Variants in DLX4 observed in about 807,000 individuals in gnomAD.
The protein encoded by DLX4 is homeobox protein DLX-4.
DLX4 carries 13 observed loss-of-function variants against 17.1 expected under a neutral mutation model. That is an observed-to-expected ratio of 0.76 (90% CI 0.49 to 1.21). The LOEUF (loss-of-function observed/expected upper bound fraction) is 1.21, where lower values mean the gene tolerates loss of function less well. Ranked by LOEUF, DLX4 falls within the 50% of genes most tolerant of loss-of-function variation. DLX4 has a pLI of 0.00. For synonymous variants in DLX4, 129 were observed against 140.3 expected (o/e 0.92, Z 0.57); for missense variants, 297 against 301.4 (o/e 0.99, Z 0.11).
rs749435979 is a variant in DLX4, at chr17:49,973,940, G to A, written c.720G>A (p.Met240Ile). 1 of 1,601,164 alleles carries A rather than the reference G, an allele frequency of 6.2e-7. No individual in the cohort carries two copies. The highest frequency in any genetic ancestry group is 8.5e-7 in the Non-Finnish European group (1 of 1,174,720). Residue 240 changes from methionine to isoleucine, a missense_variant, in exon 3 of 3, where the codon ATG becomes ATA. Coordinates refer to ENST00000240306, the MANE Select transcript of DLX4 (RefSeq NM_138281.3). Reference sequence around the variant, plus strand: ...ATGTCCTGGCTTCGCCTCAGATGATGTGAATCTGGGGAAGGGCGGGTCAGG... The same window carrying A: ...ATGTCCTGGCTTCGCCTCAGATGATATGAATCTGGGGAAGGGCGGGTCAGG... The part of the protein sequence containing the change: ...SSDVLASPQM[M>I]
rs1361103308 is a variant in DLX4, at chr17:49,969,374, C to A, written c.-95C>A. ...TGTGGGGGCTGCTGGCTGGGGGGCCCGTCCGGCCCAACGCCGGAGGCTTGG... is the reference window on the plus strand; with the variant it reads ...TGTGGGGGCTGCTGGCTGGGGGGCCAGTCCGGCCCAACGCCGGAGGCTTGG... On this transcript the variant is annotated 5_prime_UTR_variant, in exon 1 of 3. Coordinates refer to ENST00000240306, the MANE Select transcript of DLX4 (RefSeq NM_138281.3). 2.2e-6 allele frequency: 3 copies of A among 1,380,772 alleles called. No individual in the cohort carries two copies. The highest frequency in any genetic ancestry group is 1.5e-5 in the South Asian group (1 of 68,794). The allele number at this position is 1,380,772 out of a possible 1,614,324, so 85.5% of individuals were successfully genotyped here. A position where few individuals can be genotyped will look rare whatever the true frequency, so the allele number is the denominator to read the frequency against.
Position 49,973,682 on chromosome 17 carries a change from T to TC in DLX4, c.481-15dup. 6.7e-7 allele frequency: 1 copy of TC among 1,494,174 alleles called. No individual in the cohort carries two copies. The highest frequency in any genetic ancestry group is 8.9e-7 in the Non-Finnish European group (1 of 1,121,400). 92.6% of individuals were successfully genotyped at this position (1,494,174 alleles called of 1,614,324 possible). ...ATCTTCCTCCTGATCTTTCATTCTT[T>TC]CCCCTTTTCTTCCCGAAGGTAAAGA... On this transcript the variant is annotated intron_variant, in intron 2 of 2. Coordinates refer to ENST00000240306, the MANE Select transcript of DLX4 (RefSeq NM_138281.3).
Position 49,972,989 on chromosome 17 carries a change from G to A in DLX4, c.284-84G>A, listed in dbSNP as rs1905567523. ...TATTTGCTGCCGACGGCATGCAGAC[G>A]AGATGCAAATAAGCTTATGAAACTG... On this transcript the variant is annotated intron_variant, in intron 1 of 2. Transcript: ENST00000240306. The surrounding 1 kb of genome is among the most constrained non-coding windows in gnomAD (Gnocchi z 5.4). The A allele has an allele frequency of 6.4e-7, 1 of 1,552,192 alleles. No individual in the cohort carries two copies. The highest frequency in any genetic ancestry group is 2.3e-5 in the East Asian group (1 of 43,566).
intron 2 of DLX4, 51 bp downstream of exon 2, chr17:49,973,320 G>T: frequency 6.3e-7 from 1 of 1,595,412 alleles, no homozygotes; most frequent in Non-Finnish European, 8.5e-7. Flanking sequence ...GGTTCTCTGG[G>T]AACTCATCCC....
rs1905671843 is a variant in DLX4 at position 49,974,945 on chromosome 17, G to T, written c.*1002G>T. The stretch of plus-strand genomic sequence containing the variant: ...CACCAGCTTCCAGAGATTAAAGTTT[G>T]TACAAAACATTGCATTCTGGCTGTG... On this transcript the variant is annotated 3_prime_UTR_variant, in exon 3 of 3. Coordinates refer to ENST00000240306, the MANE Select transcript of DLX4 (RefSeq NM_138281.3). 1 of 152,194 alleles carries T rather than the reference G, an allele frequency of 6.6e-6. No individual in the cohort carries two copies. Among genetic ancestry groups the T allele is most frequent in the East Asian group, 1.9e-4 (1 of 5,202 alleles). The allele number at this position is 152,194 out of a possible 1,614,324, so 9.4% of individuals were successfully genotyped here.
In DLX4 at chr17:49,969,366, G is replaced by A; in HGVS notation, c.-103G>A. 7.6e-7 allele frequency: 1 copy of A among 1,312,334 alleles called. No individual in the cohort carries two copies. The highest frequency in any genetic ancestry group is 1.0e-6 in the Non-Finnish European group (1 of 979,066). 81.3% of individuals were successfully genotyped at this position (1,312,334 alleles called of 1,614,324 possible). On this transcript the variant is annotated 5_prime_UTR_variant, in exon 1 of 3. Coordinates refer to ENST00000240306, the MANE Select transcript of DLX4 (RefSeq NM_138281.3). Reference sequence around the variant, plus strand: ...ATCTTAAGTGTGGGGGCTGCTGGCTGGGGGGCCCGTCCGGCCCAACGCCGG... The same window carrying A: ...ATCTTAAGTGTGGGGGCTGCTGGCTAGGGGGCCCGTCCGGCCCAACGCCGG...
At position 49,973,841 on chromosome 17, in the gene DLX4, A is replaced by G; in HGVS notation, c.621A>G (p.Leu207=). 6.2e-7 allele frequency: 1 copy of G among 1,611,530 alleles called. No homozygotes were observed. The highest frequency in any genetic ancestry group is 8.5e-7 in the Non-Finnish European group (1 of 1,178,960). Residue 207 remains leucine, a synonymous_variant, in exon 3 of 3, where the codon CTA becomes CTG. Transcript: ENST00000240306. ...CACCCCTCCCCTCCCTCTGGGATCT[A>G]CCCAAGGCAGGGACCCTGCCCACCA... ...CSPPLPSLWD[L]PKAGTLPTSG...
Position 49,972,232 on chromosome 17 carries a change from G to C in DLX4, c.284-841G>C, listed in dbSNP as rs1042196896. 1 of 152,328 alleles carries C rather than the reference G, an allele frequency of 6.6e-6. No individual in the cohort carries two copies. Among genetic ancestry groups the C allele is most frequent in the Non-Finnish European group, 1.5e-5 (1 of 68,140 alleles). 9.4% of individuals were successfully genotyped at this position (152,328 alleles called of 1,614,324 possible). On this transcript the variant is annotated intron_variant, in intron 1 of 2. Coordinates refer to ENST00000240306, the MANE Select transcript of DLX4 (RefSeq NM_138281.3). This position sits in a 1 kb window ranked among gnomAD's most constrained non-coding sequence, Gnocchi z 5.4. ...GATTCCTGGAGAGCTAGGCGGGCCA[G>C]AGCTGACCAGATCCCCCGCGGCGGC...
intron 2 of DLX4, 60 bp downstream of exon 2, chr17:49,973,329 C>T (rs745721685): frequency 7.6e-6 from 12 of 1,578,724 alleles, no homozygotes; most frequent in Non-Finnish European, 9.5e-6. Context: ...GGAACTCATC[C>T]CCCAGCCCCA....
At chr17:49,973,472 G>C (rs1598148421) in intron 2 of DLX4, 2 of 1,018,714 alleles carry the variant, frequency 2.0e-6, no homozygotes, top group Admixed American at 2.3e-5. Context: ...GTGGGGTGGA[G>C]TGGGTCAGGA....
In DLX4 at chr17:49,969,335, T is replaced by C; in HGVS notation, c.-134T>C. 9.4e-7 allele frequency: 1 copy of C among 1,058,704 alleles called. No homozygotes were observed. Among genetic ancestry groups the C allele is most frequent in the Non-Finnish European group, 1.3e-6 (1 of 757,458 alleles). 65.6% of individuals were successfully genotyped at this position (1,058,704 alleles called of 1,614,324 possible). ...GAAAGAGGCTCAGAGAGACACTTTC[T>C]CCGGGATCTTAAGTGTGGGGGCTGC... On this transcript the variant is annotated 5_prime_UTR_variant, in exon 1 of 3. Coordinates refer to ENST00000240306, the MANE Select transcript of DLX4 (RefSeq NM_138281.3).
At chr17:49,973,347 ATGAC>A (rs746238219) in intron 2 of DLX4, 78 bp downstream of exon 2, 1 of 1,548,620 alleles carries the variant, frequency 6.5e-7, no homozygotes, top group African/African-American at 1.4e-5. Flanking sequence ...CCAGCTGTGA[ATGAC>A]TGATGGATTG....
intron 1 of DLX4, 64 bp from the exon 2 acceptor site, chr17:49,973,009 A>G (rs1380193877): frequency 8.2e-6 from 13 of 1,577,004 alleles, no homozygotes; most frequent in Non-Finnish European, 1.1e-5. Context: ...TAAGCTTATG[A>G]AACTGTCCGT....
Position 49,972,983 on chromosome 17 carries a change from G to GA in DLX4, c.284-90_284-89insA. Reference sequence around the variant, plus strand: ...TTTTGCTATTTGCTGCCGACGGCATGCAGACGAGATGCAAATAAGCTTATG... The same window carrying GA: ...TTTTGCTATTTGCTGCCGACGGCATGACAGACGAGATGCAAATAAGCTTATG... On this transcript the variant is annotated intron_variant, in intron 1 of 2. Coordinates refer to ENST00000240306, the MANE Select transcript of DLX4 (RefSeq NM_138281.3). This position sits in a 1 kb window ranked among gnomAD's most constrained non-coding sequence, Gnocchi z 5.4. The GA allele has an allele frequency of 6.5e-7, 1 of 1,547,794 alleles. No individual in the cohort carries two copies. The highest frequency in any genetic ancestry group is 1.9e-5 in the Admixed American group (1 of 52,656).
intron 1 of DLX4, among the ~76,000 whole-genome samples, chr17:49,970,407 T>C (rs1333447272): frequency 6.6e-6 from 1 of 152,166 alleles, no homozygotes; most frequent in East Asian, 1.9e-4. Context: ...AAGTCGCTCA[T>C]CTCTCCCTGA....
chr17:49,968,646 G>T (rs1043331316), upstream of DLX4, among the ~76,000 whole-genome samples: 4 of 151,880 alleles, frequency 2.6e-5, no homozygotes, highest in Non-Finnish European at 4.4e-5. Flanking sequence ...AGGGCGCCCC[G>T]CGGGGGCGTG....
At position 49,974,137 on chromosome 17, in the gene DLX4, G is replaced by A. The variant is rs983187143; in HGVS notation, c.*194G>A. ...CCTAACAGCTAAATCAAGGACCTCA[G>A]CCTTATATAATCATTGTCCCCACCA... On this transcript the variant is annotated 3_prime_UTR_variant, in exon 3 of 3. Coordinates refer to ENST00000240306, the MANE Select transcript of DLX4 (RefSeq NM_138281.3). 11 of 594,952 alleles carry A rather than the reference G, an allele frequency of 1.8e-5. No homozygotes were observed. The African/African-American group carries it at 1.9e-4, about 10-fold the overall frequency. The allele number at this position is 594,952 out of a possible 1,614,324, so 36.9% of individuals were successfully genotyped here.
Position 49,973,182 on chromosome 17 carries a change from C to G in DLX4, c.393C>G (p.His131Gln), listed in dbSNP as rs757589150. The change falls in exon 2 of 3, where the codon CAC (histidine) becomes CAG (glutamine). Residue 131 changes from histidine (H) to glutamine (Q), a missense_variant. Coordinates refer to ENST00000240306, the MANE Select transcript of DLX4 (RefSeq NM_138281.3). ...TCTACTCCAGCCTGCAGCTGCAGCA[C>G]CTAAACCAGCGTTTCCAGCACACGC... ...RTIYSSLQLQ[H>Q]LNQRFQHTQY... 2 of 1,614,088 alleles carry G rather than the reference C, an allele frequency of 1.2e-6. No homozygotes were observed. The highest frequency in any genetic ancestry group is 1.1e-5 in the South Asian group (1 of 91,090).
Position 49,973,146 on chromosome 17 carries a change from GCCGAGGA to G in DLX4, c.360_366del (p.Arg121SerfsTer10), listed in dbSNP as rs1365952878. 6.2e-7 allele frequency: 1 copy of G among 1,614,176 alleles called. No individual in the cohort carries two copies. Among genetic ancestry groups the G allele is most frequent in the Non-Finnish European group, 8.5e-7 (1 of 1,180,024 alleles). On this transcript the variant is annotated frameshift_variant, in exon 2 of 3. Transcript: ENST00000240306. LOFTEE classifies it high-confidence loss of function. Reference sequence around the variant, plus strand: ...AGGCCCCCGCCAAAAAGCTCCGCAAGCCGAGGACCATCTACTCCAGCCTGCAGCTGCA... The same window carrying G: ...AGGCCCCCGCCAAAAAGCTCCGCAAGCCATCTACTCCAGCCTGCAGCTGCA...
Sources: allele counts gnomAD v4.1 joint callset (sites outside exome capture counted in the v4.1 genomes callset), GRCh38; gene constraint gnomAD v4.1.1; non-coding constraint Gnocchi (gnomAD v3.1); transcripts MANE v1.5; gene names NCBI Gene and HGNC (gene_info 2026-07-23, HGNC 2026-07-21).